CPED1: variants seen among roughly 807,000 people sequenced by gnomAD.
CPED1 encodes cadherin-like and PC-esterase domain-containing protein 1.
Under a neutral mutation model 128.2 loss-of-function variants are expected in CPED1, and 114 were observed. The ratio of observed to expected loss-of-function variants is 0.89; its 90% CI spans 0.76 to 1.04. The LOEUF (loss-of-function observed/expected upper bound fraction) is 1.04. Ranked by LOEUF, CPED1 falls within the 50% of genes least tolerant of loss-of-function variation. The pLI is 0.00. For missense variants in CPED1, 1,211 were observed against 1,207.1 expected (o/e 1.00, Z -0.05); for synonymous variants, 462 against 426.7 (o/e 1.08, Z -1.02).
At chr7:121,024,605 G>A (rs1050439341) in intron 3 of CPED1, among the ~76,000 whole-genome samples, 1 of 152,096 alleles carries the variant, frequency 6.6e-6, no homozygotes, top group Non-Finnish European at 1.5e-5. Context: ...CTTGTTAGAT[G>A]TACTTTCTTT....
At chr7:121,255,057 T>C (rs1283266689) in intron 18 of CPED1, among the ~76,000 whole-genome samples, 1 of 152,120 alleles carries the variant, frequency 6.6e-6, no homozygotes, top group African/African-American at 2.4e-5. Flanking sequence ...TAACTCATTC[T>C]ATGAAGTTAG....
At chr7:121,112,342 GTCAT>G (rs1795132766) in intron 7 of CPED1, among the ~76,000 whole-genome samples, 1 of 152,190 alleles carries the variant, frequency 6.6e-6, no homozygotes, top group Admixed American at 6.5e-5. Flanking sequence ...CCCTGTGCAT[GTCAT>G]TATAAGAGAA....
At chr7:121,274,667 T>G (rs1792298300) in intron 22 of CPED1, among the ~76,000 whole-genome samples, 1 of 152,162 alleles carries the variant, frequency 6.6e-6, no homozygotes, top group Non-Finnish European at 1.5e-5. Context: ...GGCATAATTA[T>G]TGCTTAACTC....
chr7:121,283,312 T>C (rs1792497982), intron 22 of CPED1, among the ~76,000 whole-genome samples: 1 of 152,228 alleles, frequency 6.6e-6, no homozygotes, highest in South Asian at 2.1e-4. Context: ...CCTATTCTTC[T>C]ATCTCAGTAT....
chr7:121,034,431 A>G (rs1343505416), intron 3 of CPED1, among the ~76,000 whole-genome samples: 1 of 151,800 alleles, frequency 6.6e-6, no homozygotes, highest in Non-Finnish European at 1.5e-5. Flanking sequence ...TATTTTTAGT[A>G]GAGATGTAGT....
intron 5 of CPED1, among the ~76,000 whole-genome samples, chr7:121,083,460 T>A (rs35352482): frequency 6.6e-6 from 1 of 152,202 alleles, no homozygotes; most frequent in African/African-American, 2.4e-5. Flanking sequence ...GCTGCCAAGC[T>A]GGTTTGTATA....
chr7:121,180,542 A>T (rs981616632), intron 16 of CPED1, among the ~76,000 whole-genome samples: 4 of 151,976 alleles, frequency 2.6e-5, no homozygotes, highest in Admixed American at 1.3e-4. Flanking sequence ...TACGTGATAC[A>T]TTATCTGTAC....
chr7:121,212,825 T>A (rs1797677400), intron 16 of CPED1, among the ~76,000 whole-genome samples: 1 of 152,028 alleles, frequency 6.6e-6, no homozygotes, highest in Non-Finnish European at 1.5e-5. Flanking sequence ...GGCACAAATA[T>A]GTAAATATTT....
intron 17 of CPED1, among the ~76,000 whole-genome samples, chr7:121,241,792 A>T (rs934065549): frequency 6.6e-6 from 1 of 152,192 alleles, no homozygotes; most frequent in African/African-American, 2.4e-5. Flanking sequence ...CATAAAATAT[A>T]TATGTTGACT....
intron 16 of CPED1, among the ~76,000 whole-genome samples, chr7:121,212,890 C>A (rs1021167516): frequency 2.0e-5 from 3 of 151,828 alleles, no homozygotes; most frequent in African/African-American, 7.3e-5. Flanking sequence ...TAAGTGATTT[C>A]TAATGGACTG....
At position 121,100,029 on chromosome 7, in the gene CPED1, C is replaced by A. The variant is rs779941795; in HGVS notation, c.853C>A (p.Arg285Ser). ...GTTGGTGACGTCCTTAACCCCTTTG[C>A]GTGCATTCATTCATTCGACGGGCAC... The part of the protein sequence containing the change: ...YVLVTSLTPL[R>S]AFIHSTGTVW... The change falls in exon 7 of 23, where the codon CGT becomes AGT. Residue 285 changes from arginine (R) to serine (S), a missense_variant. By Grantham distance (110) the Arg-to-Ser change is moderately radical (BLOSUM62 -1). Coordinates refer to ENST00000310396, the MANE Select transcript of CPED1 (RefSeq NM_024913.5). 4.3e-6 allele frequency: 7 copies of A among 1,613,396 alleles called. No individual in the cohort carries two copies. The highest frequency in any genetic ancestry group is 5.9e-6 in the Non-Finnish European group (7 of 1,179,702).
intron 5 of CPED1, among the ~76,000 whole-genome samples, chr7:121,087,236 A>C (rs1340211143): frequency 6.6e-6 from 1 of 152,030 alleles, no homozygotes; most frequent in Admixed American, 6.6e-5. Flanking sequence ...ATACACAATA[A>C]ATTTTTTGCC....
intron 18 of CPED1, among the ~76,000 whole-genome samples, chr7:121,251,969 A>C (rs1798682829): frequency 6.6e-6 from 1 of 151,816 alleles, no homozygotes; most frequent in Non-Finnish European, 1.5e-5. Flanking sequence ...ACTACTTTAA[A>C]GTTCATATGG....
At chr7:121,161,776 A>G (rs1382944879) in intron 16 of CPED1, among the ~76,000 whole-genome samples, 1 of 152,228 alleles carries the variant, frequency 6.6e-6, no homozygotes, top group East Asian at 1.9e-4. Flanking sequence ...ATAACTGGCA[A>G]TTACTAAAGT....
chr7:121,005,228 C>A (rs1002159458), intron 2 of CPED1, among the ~76,000 whole-genome samples: 7 of 152,122 alleles, frequency 4.6e-5, no homozygotes, highest in African/African-American at 1.7e-4. Context: ...TAGTTTCCAG[C>A]TTCATCCATG....
At chr7:121,139,310 T>G (rs750035832) in intron 14 of CPED1, among the ~76,000 whole-genome samples, 2 of 152,104 alleles carry the variant, frequency 1.3e-5, no homozygotes, top group Non-Finnish European at 2.9e-5. Flanking sequence ...TCTATTGTAT[T>G]ATTATTGTTC....
intron 16 of CPED1, among the ~76,000 whole-genome samples, chr7:121,168,772 C>T (rs1231921902): frequency 1.3e-5 from 2 of 152,152 alleles, no homozygotes; most frequent in Non-Finnish European, 2.9e-5. Context: ...ACCTTCTACT[C>T]TCTGTGTCTA....
intron 3 of CPED1, among the ~76,000 whole-genome samples, chr7:121,043,340 C>T (rs1194520002): frequency 2.0e-5 from 3 of 152,140 alleles, no homozygotes; most frequent in African/African-American, 7.2e-5. Context: ...CAGCCCTTGC[C>T]ACCTTTAATG....
chr7:121,040,507 C>T (rs1793022132), intron 3 of CPED1, among the ~76,000 whole-genome samples: 1 of 151,966 alleles, frequency 6.6e-6, no homozygotes, highest in Non-Finnish European at 1.5e-5. Flanking sequence ...TAACTTATAT[C>T]CAACTAATCT....
Sources: allele counts gnomAD v4.1 joint callset (sites outside exome capture counted in the v4.1 genomes callset), GRCh38; gene constraint gnomAD v4.1.1; transcripts MANE v1.5; gene names NCBI Gene and HGNC (gene_info 2026-07-23, HGNC 2026-07-21).